METTL15: variants seen among roughly 807,000 people sequenced by gnomAD.
METTL15 encodes the protein 12S rRNA N(4)-cytidine methyltransferase METTL15.
Under a neutral mutation model 38.3 loss-of-function variants are expected in METTL15, and 34 were observed. The ratio of observed to expected loss-of-function variants is 0.89; its 90% CI spans 0.68 to 1.18. The LOEUF is 1.18. METTL15 is among the 50% of genes most tolerant of loss of function. The pLI is 0.00. For missense variants in METTL15, 438 were observed against 498.4 expected (o/e 0.88, Z 1.15); for synonymous variants, 162 against 170.9 (o/e 0.95, Z 0.41).
intron 6 of METTL15, chr11:28,328,222 C>G: frequency 1.3e-6 from 2 of 1,526,728 alleles, no homozygotes; most frequent in Non-Finnish European, 1.8e-6. Flanking sequence ...CCTGAGAGAC[C>G]TGGTTGTTGG....
intron 4 of METTL15, among the ~76,000 whole-genome samples, chr11:28,360,350 G>A (rs946752238): frequency 4.6e-5 from 7 of 152,148 alleles, no homozygotes; most frequent in Non-Finnish European, 7.3e-5. Flanking sequence ...TAAAAACAGG[G>A]CCCAAGATGT....
chr11:28,496,932 C>A (rs1035681345), intron 6 of METTL15, among the ~76,000 whole-genome samples: 5 of 152,148 alleles, frequency 3.3e-5, no homozygotes, highest in African/African-American at 1.2e-4. Flanking sequence ...GACTGAGATT[C>A]TTTTTCTTTA....
intron 6 of METTL15, among the ~76,000 whole-genome samples, chr11:28,447,635 T>C (rs1851086082): frequency 6.6e-6 from 1 of 152,220 alleles, no homozygotes; most frequent in Non-Finnish European, 1.5e-5. Context: ...TCTCTTGTTT[T>C]ACATTGTGAG....
intron 4 of METTL15, among the ~76,000 whole-genome samples, chr11:28,247,455 C>G (rs1383212488): frequency 2.6e-5 from 4 of 151,976 alleles, no homozygotes; most frequent in Non-Finnish European, 4.4e-5. Context: ...AGATTTTGTT[C>G]ATGAAAAGGA....
rs1267108927 is a variant in METTL15 at position 28,378,092 on chromosome 11, G to A, written c.*358+16056G>A. On this transcript the variant is annotated intron_variant and NMD_transcript_variant, in intron 5 of 7. Transcript: ENST00000532947. ...GACAGGGACATTTAAGTCTGCAGAG[G>A]TTACTGCTGTCTTTTTGTTTGTCTG... Among the ~76,000 whole-genome samples the A allele has an allele frequency of 2.6e-5, 4 of 152,084 alleles. No homozygotes were observed. In the South Asian group the frequency reaches 6.2e-4, roughly 24 times the overall value.
chr11:28,308,510 C>T (rs1857156994), intron 6 of METTL15, among the ~76,000 whole-genome samples: 1 of 152,104 alleles, frequency 6.6e-6, no homozygotes, highest in South Asian at 2.1e-4. Context: ...CAGTTCCACT[C>T]ATAGAATAGA....
intron 3 of METTL15, among the ~76,000 whole-genome samples, chr11:28,346,418 A>G (rs1322521617): frequency 6.6e-6 from 1 of 152,192 alleles, no homozygotes; most frequent in Non-Finnish European, 1.5e-5. Flanking sequence ...GCAATGAGTC[A>G]TATTTTATAG....
intron 6 of METTL15, among the ~76,000 whole-genome samples, chr11:28,523,913 T>C (rs1353188408): frequency 6.6e-6 from 1 of 152,198 alleles, no homozygotes; most frequent in Admixed American, 6.5e-5. Context: ...TTGTCGTGAC[T>C]AAGGTGGGGT....
intron 4 of METTL15, among the ~76,000 whole-genome samples, chr11:28,271,505 C>G (rs538838096): frequency 3.9e-5 from 6 of 152,168 alleles, no homozygotes; most frequent in African/African-American, 1.4e-4. Flanking sequence ...ATAATACCTG[C>G]TAGTGGCCTA....
At chr11:28,112,078 G>A (rs1851743310) in intron 2 of METTL15, among the ~76,000 whole-genome samples, 1 of 151,914 alleles carries the variant, frequency 6.6e-6, no homozygotes, top group Non-Finnish European at 1.5e-5. Flanking sequence ...CATCATATTT[G>A]TATTTCTTTG....
chr11:28,405,545 A>T lies in METTL15; in HGVS notation c.*359-18754A>T, dbSNP rs577377974. ...TTTTGTGGTCAAATAAATCTGGAAA[A>T]TGTTCCATATAATATTCTCCTTTTG... On this transcript the variant is annotated intron_variant and NMD_transcript_variant, in intron 5 of 7. Coordinates refer to the METTL15 transcript ENST00000532947. Among the ~76,000 whole-genome samples the T allele has an allele frequency of 2.9e-4, 44 of 152,220 alleles. 1 individual carries two copies. The South Asian group carries it at 9.1e-3, about 32-fold the overall frequency.
chr11:28,326,810 G>C (rs1849651176), intron 6 of METTL15, among the ~76,000 whole-genome samples: 1 of 151,874 alleles, frequency 6.6e-6, no homozygotes, highest in African/African-American at 2.4e-5. Flanking sequence ...TGTAGAGACA[G>C]GGTTTCACCA....
intron 3 of METTL15, among the ~76,000 whole-genome samples, chr11:28,156,115 C>A (rs987347466): frequency 6.6e-6 from 1 of 152,020 alleles, no homozygotes. Context: ...TGTTATTATT[C>A]TTTATACTTT....
intron 6 of METTL15, among the ~76,000 whole-genome samples, chr11:28,496,251 G>A (rs2133485524): frequency 6.6e-6 from 1 of 152,300 alleles, no homozygotes; most frequent in Middle Eastern, 3.4e-3. Flanking sequence ...CATGGTGGCA[G>A]GCAAGAAAGC....
chr11:28,316,673 C>T (rs937322894), intron 6 of METTL15, among the ~76,000 whole-genome samples: 1 of 152,122 alleles, frequency 6.6e-6, no homozygotes, highest in East Asian at 1.9e-4. Flanking sequence ...TAATAACTCA[C>T]ATAATTCAAT....
At chr11:28,448,516 C>G (rs1273336873) in intron 6 of METTL15, among the ~76,000 whole-genome samples, 1 of 152,116 alleles carries the variant, frequency 6.6e-6, no homozygotes, top group African/African-American at 2.4e-5. Context: ...ACCATCATGC[C>G]CCATCAGACA....
intron 4 of METTL15, among the ~76,000 whole-genome samples, chr11:28,225,091 G>A (rs539060386): frequency 4.0e-5 from 6 of 151,726 alleles, no homozygotes; most frequent in East Asian, 3.9e-4. Context: ...AGGTGATAAA[G>A]TAATACTCCT....
intron 3 of METTL15, among the ~76,000 whole-genome samples, chr11:28,206,075 G>A (rs1471992502): frequency 4.1e-5 from 6 of 146,142 alleles, no homozygotes; most frequent in Non-Finnish European, 9.0e-5. Flanking sequence ...CACTCTGATG[G>A]TAGTTTCTTT....
At chr11:28,300,645 A>G (rs1322940441) in intron 6 of METTL15, among the ~76,000 whole-genome samples, 2 of 152,190 alleles carry the variant, frequency 1.3e-5, no homozygotes, top group Non-Finnish European at 2.9e-5. Context: ...AATTCCAAAA[A>G]CAACCTGTAG....
Sources: allele counts gnomAD v4.1 joint callset (sites outside exome capture counted in the v4.1 genomes callset), GRCh38; gene constraint gnomAD v4.1.1; transcripts MANE v1.5; gene names NCBI Gene and HGNC (gene_info 2026-07-23, HGNC 2026-07-21).